TF: variants seen among roughly 807,000 people sequenced by gnomAD.
TF encodes transferrin.
In TF, 55 loss-of-function variants were observed where a neutral mutation model predicts 82.4. The ratio of observed to expected loss-of-function variants is 0.67; its 90% CI spans 0.54 to 0.84. TF has a LOEUF of 0.84. Among genes scored for constraint, TF ranks in the 40% least tolerant of loss-of-function variants. The probability of loss-of-function intolerance (pLI) is 0.00; values close to 1 mark genes in which losing one functional copy is unlikely to be tolerated. For synonymous variants in TF, 332 were observed against 332.6 expected (o/e 1.00, Z 0.02); for missense variants, 737 against 868.4 (o/e 0.85, Z 1.90).
rs983858541 is a variant in TF, at chr3:133,789,893, T to G, written c.*11273T>G. 4.7e-5 allele frequency: 7 copies of G among 147,568 alleles called. No individual in the cohort carries two copies. The highest frequency in any genetic ancestry group is 1.3e-4 in the African/African-American group (5 of 39,838). 9.1% of individuals were successfully genotyped at this position (147,568 alleles called of 1,614,324 possible). A position where few individuals can be genotyped will look rare whatever the true frequency, so the allele number is the denominator to read the frequency against. ...ATCTCGTTTGCGTTTTTTTTTTTTT[T>G]TTTTTTTTTTTTTTTGACAAATGAG... On this transcript the variant is annotated 3_prime_UTR_variant, in exon 17 of 17. Coordinates refer to ENST00000402696, the MANE Select transcript of TF (RefSeq NM_001063.4).
chr3:133,736,635 A>AAAGAAAAAAAAAAAAAAAG, the TF span, among the ~76,000 whole-genome samples: 2 of 141,810 alleles, frequency 1.4e-5, no homozygotes, highest in African/African-American at 5.7e-5. Flanking sequence ...GAAAGCCAAA[A>AAAGAAAAAAAAAAAAAAAG]AAAAAAAAAA....
At position 133,794,620 on chromosome 3, in the gene TF, C is replaced by G. The variant is rs1934921836; in HGVS notation, c.*16000C>G. 1 of 152,244 alleles carries G rather than the reference C, an allele frequency of 6.6e-6. No individual in the cohort carries two copies. The highest frequency in any genetic ancestry group is 2.4e-5 in the African/African-American group (1 of 41,458). 9.4% of individuals were successfully genotyped at this position (152,244 alleles called of 1,614,324 possible). ...AAGACTGTCCTTGCCATCCACACTACAGCAAAACTTCTGGACTTTGAACTT... is the reference window on the plus strand; with the variant it reads ...AAGACTGTCCTTGCCATCCACACTAGAGCAAAACTTCTGGACTTTGAACTT... On this transcript the variant is annotated 3_prime_UTR_variant, in exon 17 of 17. Transcript: ENST00000402696.
intron 1 of TF, among the ~76,000 whole-genome samples, chr3:133,747,615 T>C (rs1933540149): frequency 6.6e-6 from 1 of 152,194 alleles, no homozygotes; most frequent in South Asian, 2.1e-4. Context: ...ACATGGATTT[T>C]AATAGTTACC....
At chr3:133,776,996 T>C in intron 15 of TF, 53 bp from the exon 16 acceptor site, 1 of 1,525,920 alleles carries the variant, frequency 6.6e-7, no homozygotes, top group Non-Finnish European at 9.1e-7. Flanking sequence ...ATCCATGTGT[T>C]CCCAGCTGCT....
At chr3:133,708,989 G>A in the TF span, among the ~76,000 whole-genome samples, 1 of 152,094 alleles carries the variant, frequency 6.6e-6, no homozygotes, top group Non-Finnish European at 1.5e-5. Context: ...GTGAAAGAGA[G>A]CTGACTCCCT....
At chr3:133,717,153 G>C in the TF span, among the ~76,000 whole-genome samples, 1 of 151,810 alleles carries the variant, frequency 6.6e-6, no homozygotes, top group Non-Finnish European at 1.5e-5. Flanking sequence ...ACCTTGCTTC[G>C]TGTCTCTTTT....
At position 133,756,131 on chromosome 3, in the gene TF, C is replaced by G. The variant is rs556891537; in HGVS notation, c.636-151C>G. ...CTCATTCCCCCATCTCAGCACTACG[C>G]TGGAGGTCTGCACACCATGGTGTTG... On this transcript the variant is annotated intron_variant, in intron 5 of 16. Transcript: ENST00000402696. The G allele has an allele frequency of 4.1e-6, 3 of 729,226 alleles. No homozygotes were observed. In the East Asian group the frequency reaches 8.1e-5, roughly 20 times the overall value. The allele number at this position is 729,226 out of a possible 1,614,324, so 45.2% of individuals were successfully genotyped here. A position where few individuals can be genotyped will look rare whatever the true frequency, so the allele number is the denominator to read the frequency against.
intron 2 of TF, among the ~76,000 whole-genome samples, chr3:133,749,279 C>G (rs1248099217): frequency 1.3e-5 from 2 of 152,156 alleles, no homozygotes; most frequent in Non-Finnish European, 2.9e-5. Context: ...GTAAAGTGTC[C>G]TGATTGCAGG....
At chr3:133,704,792 G>T in the TF span, among the ~76,000 whole-genome samples, 5 of 152,190 alleles carry the variant, frequency 3.3e-5, no homozygotes, top group Non-Finnish European at 5.9e-5. Flanking sequence ...GGTTGAGAAG[G>T]TGGGGCTGCA....
At chr3:133,664,409 A>AC in the TF span, among the ~76,000 whole-genome samples, 1 of 151,872 alleles carries the variant, frequency 6.6e-6, no homozygotes, top group Non-Finnish European at 1.5e-5. Flanking sequence ...TGCAACCTCC[A>AC]CCCCCGGGGT....
At chr3:133,741,322 G>A (rs894171528), upstream of TF, among the ~76,000 whole-genome samples, 3 of 152,008 alleles carry the variant, frequency 2.0e-5, no homozygotes, top group African/African-American at 7.2e-5. Context: ...GTATACTCTA[G>A]TTTCTTCAGA....
At chr3:133,728,153 A>T in the TF span, among the ~76,000 whole-genome samples, 1 of 151,894 alleles carries the variant, frequency 6.6e-6, no homozygotes, top group Non-Finnish European at 1.5e-5. Context: ...CTTCTCGAGG[A>T]GTATCTTTGT....
the TF span, among the ~76,000 whole-genome samples, chr3:133,725,256 A>C: frequency 6.6e-6 from 1 of 152,246 alleles, no homozygotes; most frequent in East Asian, 1.9e-4. Flanking sequence ...CAGTATGGCC[A>C]TTTTCACGAT....
At chr3:133,673,154 G>A in the TF span, among the ~76,000 whole-genome samples, 1 of 152,202 alleles carries the variant, frequency 6.6e-6, no homozygotes, top group African/African-American at 2.4e-5. Context: ...ACCCTGCAGT[G>A]ATGCATCCCT....
chr3:133,712,184 G>C, the TF span, among the ~76,000 whole-genome samples: 1 of 152,188 alleles, frequency 6.6e-6, no homozygotes, highest in Admixed American at 6.5e-5. Context: ...AAGTTTTCAA[G>C]AGGGCAGAGC....
At chr3:133,763,675 C>A (rs1934051047) in intron 9 of TF, among the ~76,000 whole-genome samples, 1 of 152,200 alleles carries the variant, frequency 6.6e-6, no homozygotes, top group South Asian at 2.1e-4. Context: ...CTTACTAGAG[C>A]TGAGATTTAG....
In TF at chr3:133,778,774, T is replaced by C; in HGVS notation, c.*154T>C. The C allele has an allele frequency of 1.5e-6, 1 of 647,592 alleles. No individual in the cohort carries two copies. The highest frequency in any genetic ancestry group is 3.2e-5 in the East Asian group (1 of 30,840). The allele number at this position is 647,592 out of a possible 1,614,324, so 40.1% of individuals were successfully genotyped here. A position where few individuals can be genotyped will look rare whatever the true frequency, so the allele number is the denominator to read the frequency against. ...TGTGCTGAACAAAAAATAAAAATTA[T>C]TATTGATTTTATATTTCAAAAACTC... On this transcript the variant is annotated 3_prime_UTR_variant, in exon 17 of 17. Transcript: ENST00000402696.
chr3:133,696,214 T>C, the TF span, among the ~76,000 whole-genome samples: 3 of 151,910 alleles, frequency 2.0e-5, no homozygotes, highest in African/African-American at 7.3e-5. Context: ...CGCTTAAGCC[T>C]CCAACCAGGA....
chr3:133,736,631 C>CAAAAAAGAAAGAAA, the TF span, among the ~76,000 whole-genome samples: 1 of 32,552 alleles, frequency 3.1e-5, no homozygotes, highest in Non-Finnish European at 5.4e-5. Context: ...AATGGAAAGC[C>CAAAAAAGAAAGAAA]AAAAAAAAAA....
Sources: allele counts gnomAD v4.1 joint callset (sites outside exome capture counted in the v4.1 genomes callset), GRCh38; gene constraint gnomAD v4.1.1; transcripts MANE v1.5; gene names NCBI Gene and HGNC (gene_info 2026-07-23, HGNC 2026-07-21).